RBL2: variants seen among roughly 807,000 people sequenced by gnomAD.
The protein encoded by RBL2 is retinoblastoma-like protein 2.
Under a neutral mutation model 126.0 loss-of-function variants are expected in RBL2, and 56 were observed. The observed-to-expected ratio is 0.44, with a 90% CI of 0.36 to 0.56. The LOEUF is 0.56. Ranked by LOEUF, RBL2 falls within the 20% of genes least tolerant of loss-of-function variation. The pLI is 0.00. For missense variants in RBL2, 1,229 were observed against 1,398.2 expected (o/e 0.88, Z 1.93); for synonymous variants, 454 against 478.5 (o/e 0.95, Z 0.67).
chr16:53,445,022 A>T (rs914576958), intron 3 of RBL2, among the ~76,000 whole-genome samples: 2 of 152,068 alleles, frequency 1.3e-5, no homozygotes, highest in Non-Finnish European at 2.9e-5. Flanking sequence ...ATACTACCTA[A>T]TTCTAATTAA....
chr16:53,483,793 C>T (rs1432244329), intron 21 of RBL2, among the ~76,000 whole-genome samples: 3 of 151,280 alleles, frequency 2.0e-5, no homozygotes, highest in African/African-American at 7.3e-5. Flanking sequence ...CTCAGAATCG[C>T]TTGAATCCCG....
intron 1 of RBL2, 133 bp downstream of exon 1, chr16:53,434,929 C>T (rs1197570018): frequency 6.1e-6 from 8 of 1,315,922 alleles, no homozygotes; most frequent in Non-Finnish European, 7.9e-6. Flanking sequence ...GGGACTTCCT[C>T]TGCGCTATTC....
intron 8 of RBL2, among the ~76,000 whole-genome samples, chr16:53,455,134 T>C (rs899499413): frequency 7.2e-5 from 11 of 152,252 alleles, no homozygotes; most frequent in African/African-American, 2.4e-4. Flanking sequence ...TATGGTCTTA[T>C]ATGTAGTGAA....
In RBL2 at chr16:53,434,665, C is replaced by T. The variant is rs760217117; in HGVS notation, c.109C>T (p.Pro37Ser). 8 of 1,570,132 alleles carry T rather than the reference C, an allele frequency of 5.1e-6. No individual in the cohort carries two copies. Among genetic ancestry groups the T allele is most frequent in the Non-Finnish European group, 6.9e-6 (8 of 1,167,624 alleles). Residue 37 changes from proline to serine, a missense_variant, in exon 1 of 22, where the codon CCT (proline) becomes TCT (serine). Physicochemically the swap from Pro to Ser is moderately conservative, Grantham distance 74. Coordinates refer to ENST00000262133, the MANE Select transcript of RBL2 (RefSeq NM_005611.4). ...CGGCGAGGCGGAAGACGCCGCGCCG[C>T]CTGCCGAGTCGCCCACCCCTCAGAT... The part of the protein sequence containing the change: ...DDGEAEDAAP[P>S]AESPTPQIQQ...
At chr16:53,469,253 A>G (rs2058298436) in intron 14 of RBL2, among the ~76,000 whole-genome samples, 1 of 152,092 alleles carries the variant, frequency 6.6e-6, no homozygotes. Flanking sequence ...AATAGTAACA[A>G]TTTGCCCCAA....
chr16:53,473,214 G>C (rs1960589957), intron 17 of RBL2, among the ~76,000 whole-genome samples: 1 of 151,996 alleles, frequency 6.6e-6, no homozygotes, highest in Non-Finnish European at 1.5e-5. Context: ...CAAATTATCA[G>C]TTTCACAAAG....
intron 8 of RBL2, 36 bp downstream of exon 8, chr16:53,454,878 G>C: frequency 6.6e-7 from 1 of 1,513,104 alleles, no homozygotes; most frequent in Non-Finnish European, 8.9e-7. Context: ...AGAAATACAG[G>C]AGCAGGTAAG....
chr16:53,438,205 G>C (rs554944866), intron 1 of RBL2, among the ~76,000 whole-genome samples: 49 of 152,116 alleles, frequency 3.2e-4, no homozygotes, highest in African/African-American at 1.1e-3. Context: ...AAAATGACTG[G>C]TACCTCACCT....
chr16:53,485,781 AG>A (rs1468675241), intron 21 of RBL2, among the ~76,000 whole-genome samples: 1 of 151,878 alleles, frequency 6.6e-6, no homozygotes, highest in Non-Finnish European at 1.5e-5. Context: ...GCTTGAGCCC[AG>A]GTGGTTGAGG....
intron 2 of RBL2, 78 bp downstream of exon 2, chr16:53,439,224 T>G: frequency 2.1e-5 from 27 of 1,274,964 alleles, no homozygotes; most frequent in Non-Finnish European, 2.5e-5. Flanking sequence ...GAATTATCTC[T>G]GTTTATCATT....
At chr16:53,435,430 C>G (rs529283698) in intron 1 of RBL2, among the ~76,000 whole-genome samples, 20 of 152,230 alleles carry the variant, frequency 1.3e-4, no homozygotes, top group African/African-American at 4.8e-4. Flanking sequence ...CTGTGGCTAC[C>G]TCGAGGGCTT....
intron 10 of RBL2, among the ~76,000 whole-genome samples, chr16:53,462,197 T>C (rs1351089465): frequency 3.9e-5 from 6 of 152,212 alleles, no homozygotes; most frequent in African/African-American, 1.4e-4. Context: ...GGCCTAGGAA[T>C]TGTTTGCTGT....
At chr16:53,435,237 C>G (rs1453112519) in intron 1 of RBL2, among the ~76,000 whole-genome samples, 2 of 152,180 alleles carry the variant, frequency 1.3e-5, no homozygotes, top group South Asian at 2.1e-4. Context: ...TTCGCTTCCC[C>G]CTGTTAACCA....
At chr16:53,450,866 T>G (rs914813145) in intron 4 of RBL2, among the ~76,000 whole-genome samples, 4 of 152,030 alleles carry the variant, frequency 2.6e-5, no homozygotes, top group Non-Finnish European at 5.9e-5. Context: ...TAGCATGAAC[T>G]CAGGAGGCAG....
chr16:53,454,880 G>GC, intron 8 of RBL2, 38 bp downstream of exon 8: 1 of 1,507,678 alleles, frequency 6.6e-7, no homozygotes, highest in African/African-American at 1.4e-5. Flanking sequence ...AAATACAGGA[G>GC]CAGGTAAGCC....
rs1961412123 is a variant in RBL2 at position 53,491,051 on chromosome 16, T to C, written c.*751T>C. 6.6e-6 allele frequency: 1 copy of C among 152,652 alleles called. No individual in the cohort carries two copies. The highest frequency in any genetic ancestry group is 1.5e-5 in the Non-Finnish European group (1 of 68,044). The allele number at this position is 152,652 out of a possible 1,614,324, so 9.5% of individuals were successfully genotyped here. A position where few individuals can be genotyped will look rare whatever the true frequency, so the allele number is the denominator to read the frequency against. ...CAAAACTTCCAGGCTAAACATCCAA[T>C]ATTTTCTTTAATGCTTTTATATTTT... On this transcript the variant is annotated 3_prime_UTR_variant, in exon 22 of 22. Coordinates refer to ENST00000262133, the MANE Select transcript of RBL2 (RefSeq NM_005611.4).
chr16:53,436,058 C>A (rs1055496797), intron 1 of RBL2, among the ~76,000 whole-genome samples: 8 of 152,200 alleles, frequency 5.3e-5, no homozygotes, highest in Non-Finnish European at 1.0e-4. Flanking sequence ...TTACTAAGCT[C>A]TTTGTATATT....
In RBL2 at chr16:53,465,607, G is replaced by A; in HGVS notation, c.1863+5G>A. 1 of 1,552,278 alleles carries A rather than the reference G, an allele frequency of 6.4e-7. No individual in the cohort carries two copies. Among genetic ancestry groups the A allele is most frequent in the South Asian group, 1.2e-5 (1 of 80,914 alleles). ...AGAGTTCCTACATGTGAAGAGGTTTGTGAAAATAACATCTTTTTATGAGAA... is the reference window on the plus strand; with the variant it reads ...AGAGTTCCTACATGTGAAGAGGTTTATGAAAATAACATCTTTTTATGAGAA... On this transcript the variant is annotated splice_donor_5th_base_variant and intron_variant, in intron 13 of 21. Coordinates refer to ENST00000262133, the MANE Select transcript of RBL2 (RefSeq NM_005611.4).
chr16:53,452,230 T>C (rs1007786708), intron 5 of RBL2, among the ~76,000 whole-genome samples: 20 of 152,220 alleles, frequency 1.3e-4, no homozygotes, highest in African/African-American at 4.8e-4. Context: ...AGAATAGTTA[T>C]GGTTCTAAAA....
Sources: allele counts gnomAD v4.1 joint callset (sites outside exome capture counted in the v4.1 genomes callset), GRCh38; gene constraint gnomAD v4.1.1; transcripts MANE v1.5; gene names NCBI Gene and HGNC (gene_info 2026-07-23, HGNC 2026-07-21).